MOGAT1: variants seen among roughly 807,000 people sequenced by gnomAD.
MOGAT1 encodes the protein 2-acylglycerol O-acyltransferase 1.
In MOGAT1, 32 loss-of-function variants were observed where a neutral mutation model predicts 31.4. The ratio of observed to expected loss-of-function variants is 1.02; its 90% CI spans 0.77 to 1.37. The LOEUF (loss-of-function observed/expected upper bound fraction) is 1.37. Among genes scored for constraint, MOGAT1 ranks in the 40% most tolerant of loss-of-function variants. The pLI, the probability that MOGAT1 is intolerant of heterozygous loss-of-function variation, is 0.00. For missense variants in MOGAT1, 426 were observed against 402.0 expected, an observed-to-expected ratio of 1.06 and a Z score of -0.51; for synonymous variants, 145 against 144.5, an observed-to-expected ratio of 1.00 and a Z score of -0.03.
At chr2:222,703,410 T>TTTTG (rs777708929) in intron 5 of MOGAT1, among the ~76,000 whole-genome samples, 3 of 152,102 alleles carry the variant, frequency 2.0e-5, no homozygotes, top group Admixed American at 6.6e-5. Flanking sequence ...TTGTTTTGTT[T>TTTTG]TTTGTTTGTT....
chr2:222,709,697 T>A (rs374740134), intron 5 of MOGAT1, 39 bp from the exon 6 acceptor site: 2 of 1,599,384 alleles, frequency 1.3e-6, no homozygotes, highest in African/African-American at 2.7e-5. Flanking sequence ...GGTGGAGTGG[T>A]TTTAGTTCCT....
chr2:222,677,013 T>G (rs144134595), intron 1 of MOGAT1, among the ~76,000 whole-genome samples: 2 of 152,324 alleles, frequency 1.3e-5, no homozygotes, highest in Non-Finnish European at 2.9e-5. Flanking sequence ...CACTTCATAC[T>G]TGAGATATAA....
chr2:222,703,872 GA>G (rs1479561118), intron 5 of MOGAT1, among the ~76,000 whole-genome samples: 1 of 149,718 alleles, frequency 6.7e-6, no homozygotes, highest in East Asian at 1.9e-4. Context: ...GCCTCCACGA[GA>G]AAAAAAATAA....
chr2:222,684,629 T>C (rs1000019983), intron 1 of MOGAT1, among the ~76,000 whole-genome samples: 3 of 152,076 alleles, frequency 2.0e-5, no homozygotes, highest in Non-Finnish European at 2.9e-5. Context: ...CGGGCTGAAG[T>C]GAAACGGTGC....
chr2:222,709,740 C>T lies in MOGAT1; in HGVS notation c.858C>T (p.Gly286=). Residue 286 remains glycine, a synonymous_variant, in exon 6 of 6, where the codon GGC becomes GGT. Coordinates refer to ENST00000446656, the MANE Select transcript of MOGAT1 (RefSeq NM_058165.3). ...TYRKAIHTVV[G]RPIPVRQTLN... ...GATGTATTCCCTGATTTGCAGTTGG[C>T]CGCCCGATCCCTGTTCGTCAGACTC... is the stretch of plus-strand genomic sequence containing the variant. 6.2e-7 allele frequency: 1 copy of T among 1,611,544 alleles called. No individual in the cohort carries two copies. The highest frequency in any genetic ancestry group is 8.5e-7 in the Non-Finnish European group (1 of 1,178,952).
chr2:222,680,842 C>T (rs1376448516), intron 1 of MOGAT1, among the ~76,000 whole-genome samples: 1 of 152,106 alleles, frequency 6.6e-6, no homozygotes, highest in East Asian at 1.9e-4. Flanking sequence ...TAAATTATTT[C>T]TTAATTATGG....
chr2:222,689,545 ATG>A (rs1692727646), intron 3 of MOGAT1, 76 bp downstream of exon 3: 1 of 1,338,576 alleles, frequency 7.5e-7, no homozygotes, highest in Admixed American at 1.7e-5. Context: ...TCCCAGGCCC[ATG>A]TGTGTTTATG....
chr2:222,700,937 T>C (rs986939793), intron 5 of MOGAT1, among the ~76,000 whole-genome samples: 4 of 152,200 alleles, frequency 2.6e-5, no homozygotes, highest in Non-Finnish European at 5.9e-5. Context: ...AGTTATTCTG[T>C]GGTCCCTCTG....
rs772446657 is a variant in MOGAT1, at chr2:222,689,372, T to G, written c.381T>G (p.Ser127=). The change falls in exon 3 of 6, where the codon TCT becomes TCG. Residue 127 remains serine, a synonymous_variant. Transcript: ENST00000446656. ...TTGGGAATTTTTCTGTAAATTATTCTGACTTCAAGGACCTGTTTCCTGGCT... is the reference window on the plus strand; with the variant it reads ...TTGGGAATTTTTCTGTAAATTATTCGGACTTCAAGGACCTGTTTCCTGGCT... ...GAFGNFSVNY[S]DFKDLFPGFT... is the part of the protein sequence containing the mutation. The G allele has an allele frequency of 1.2e-6, 2 of 1,613,964 alleles. No individual in the cohort carries two copies. Among genetic ancestry groups the G allele is most frequent in the Non-Finnish European group, 1.7e-6 (2 of 1,179,910 alleles).
chr2:222,694,814 A>C (rs1044514780), intron 4 of MOGAT1, among the ~76,000 whole-genome samples: 1 of 152,234 alleles, frequency 6.6e-6, no homozygotes, highest in African/African-American at 2.4e-5. Flanking sequence ...TTTTCCAGCC[A>C]AATCAACAGT....
At position 222,671,886 on chromosome 2, in the gene MOGAT1, A is replaced by G. The variant is rs1382771429; in HGVS notation, c.94+7A>G. On this transcript the variant is annotated splice_region_variant and intron_variant, in intron 1 of 5. Coordinates refer to ENST00000446656, the MANE Select transcript of MOGAT1 (RefSeq NM_058165.3). ...CTGAAATACCTGCTGCTCGGTAAGGACCCCGCCCCCCGGGCCGCGGGGCTT... is the reference window on the plus strand; with the variant it reads ...CTGAAATACCTGCTGCTCGGTAAGGGCCCCGCCCCCCGGGCCGCGGGGCTT... 3 of 1,548,682 alleles carry G rather than the reference A, an allele frequency of 1.9e-6. No individual in the cohort carries two copies. The highest frequency in any genetic ancestry group is 2.8e-5 in the African/African-American group (2 of 72,662).
intron 5 of MOGAT1, 146 bp from the exon 6 acceptor site, chr2:222,709,590 G>C (rs1338519247): frequency 1.5e-6 from 1 of 657,952 alleles, no homozygotes; most frequent in Non-Finnish European, 2.6e-6. Context: ...ACCACTGCAG[G>C]CAGCCAGTGA....
intron 1 of MOGAT1, among the ~76,000 whole-genome samples, chr2:222,682,238 C>T (rs149066481): frequency 9.2e-5 from 14 of 152,218 alleles, no homozygotes; most frequent in African/African-American, 2.6e-4. Context: ...TAGCATGTAT[C>T]GCCTGAAAAC....
Position 222,671,670 on chromosome 2 carries a change from C to G in MOGAT1, c.-116C>G. On this transcript the variant is annotated 5_prime_UTR_variant, in exon 1 of 6. Transcript: ENST00000446656. ...CTGCCTAGCCTCTGCCTTTTCCTCT[C>G]CGCCCAGCCAGTGCCCAGCGCGGGG... 1 of 864,962 alleles carries G rather than the reference C, an allele frequency of 1.2e-6. No homozygotes were observed. Among genetic ancestry groups the G allele is most frequent in the Non-Finnish European group, 1.8e-6 (1 of 556,014 alleles). The allele number at this position is 864,962 out of a possible 1,614,324, so 53.6% of individuals were successfully genotyped here. A position where few individuals can be genotyped will look rare whatever the true frequency, so the allele number is the denominator to read the frequency against.
chr2:222,674,528 G>T (rs1263585839), intron 1 of MOGAT1, among the ~76,000 whole-genome samples: 1 of 151,942 alleles, frequency 6.6e-6, no homozygotes, highest in Non-Finnish European at 1.5e-5. Context: ...GATCATCATG[G>T]GGATTGTACA....
intron 1 of MOGAT1, chr2:222,677,845 T>C (rs1259206991): frequency 3.9e-6 from 1 of 255,416 alleles, no homozygotes; most frequent in Non-Finnish European, 8.2e-6. Flanking sequence ...CTGCCTTAAG[T>C]TGCCGTACTA....
At chr2:222,695,702 G>A (rs537348950) in intron 5 of MOGAT1, among the ~76,000 whole-genome samples, 125 of 152,020 alleles carry the variant, frequency 8.2e-4, no homozygotes, top group African/African-American at 2.3e-3. Flanking sequence ...AGTTTCTATA[G>A]CAAAAGCTTT....
chr2:222,684,025 G>A (rs1034941238), intron 1 of MOGAT1, among the ~76,000 whole-genome samples: 1 of 152,166 alleles, frequency 6.6e-6, no homozygotes, highest in African/African-American at 2.4e-5. Flanking sequence ...ACCCTGAATT[G>A]CTTAATGAGA....
intron 1 of MOGAT1, among the ~76,000 whole-genome samples, chr2:222,675,973 T>A (rs1311330132): frequency 6.6e-6 from 1 of 152,164 alleles, no homozygotes. Flanking sequence ...TGTTTTAAGA[T>A]CTCTAAATCA....
Sources: gnomAD v4.1 joint callset for allele counts (sites outside exome capture counted in the v4.1 genomes callset) on GRCh38, gnomAD v4.1.1 for gene constraint, MANE v1.5 for transcripts, NCBI Gene and HGNC (gene_info 2026-07-23, HGNC 2026-07-21) for gene names.